TMEM266: variants seen among roughly 807,000 people sequenced by gnomAD.
TMEM266 encodes the protein Hv1 related protein 1.
In TMEM266, 33 loss-of-function variants were observed where a neutral mutation model predicts 50.5. The ratio of observed to expected loss-of-function variants is 0.65; its 90% CI spans 0.50 to 0.87. The LOEUF (loss-of-function observed/expected upper bound fraction) is 0.87, where lower values mean the gene tolerates loss of function less well. Ranked by LOEUF, TMEM266 falls within the 40% of genes least tolerant of loss-of-function variation. The pLI is 0.00. For missense variants in TMEM266, 655 were observed against 695.1 expected (o/e 0.94, Z 0.65); for synonymous variants, 310 against 292.3 (o/e 1.06, Z -0.62).
Position 76,134,234 on chromosome 15 carries a change from G to GC in TMEM266, c.-29dup. On this transcript the variant is annotated 5_prime_UTR_variant, in exon 2 of 11. It removes the in-frame stop codon of an upstream open reading frame in the 5' UTR. Coordinates refer to ENST00000388942, the MANE Select transcript of TMEM266 (RefSeq NM_152335.3). ...AATGCTGACAGCAGGCTTCAGGACA[G>GC]CTGAGCCCCACTAAACACCAAGAAA... The GC allele has an allele frequency of 6.2e-7, 1 of 1,613,172 alleles. No individual in the cohort carries two copies. The highest frequency in any genetic ancestry group is 8.5e-7 in the Non-Finnish European group (1 of 1,179,138).
intron 9 of TMEM266, among the ~76,000 whole-genome samples, chr15:76,194,325 T>A (rs2038624454): frequency 6.6e-6 from 1 of 152,204 alleles, no homozygotes; most frequent in African/African-American, 2.4e-5. Context: ...CTTCTTCATC[T>A]TCATCGTTCA....
intron 1 of TMEM266, among the ~76,000 whole-genome samples, chr15:76,074,223 G>T (rs1349681970): frequency 6.6e-6 from 1 of 151,996 alleles, no homozygotes; most frequent in East Asian, 1.9e-4. Flanking sequence ...TTATTCATAT[G>T]CACGTATCTG....
Position 76,139,155 on chromosome 15 carries a change from C to T in TMEM266, c.227+1260C>T, listed in dbSNP as rs1021788635. On this transcript the variant is annotated intron_variant, in intron 3 of 10. Coordinates refer to ENST00000388942, the MANE Select transcript of TMEM266 (RefSeq NM_152335.3). This position sits in a 1 kb window ranked among gnomAD's most constrained non-coding sequence, Gnocchi z 4.1. ...AGGTATTTTAGAAGCAAACGAGAAG[C>T]CTTAGCTCAAGCTAAATTTGCAGAG... is the stretch of plus-strand genomic sequence containing the variant. Among the ~76,000 whole-genome samples the T allele has an allele frequency of 2.6e-5, 4 of 152,180 alleles. No homozygotes were observed. Among genetic ancestry groups the T allele is most frequent in the Non-Finnish European group, 5.9e-5 (4 of 68,028 alleles).
intron 1 of TMEM266, among the ~76,000 whole-genome samples, chr15:76,079,577 C>G (rs2036654080): frequency 6.7e-6 from 1 of 150,164 alleles, no homozygotes; most frequent in African/African-American, 2.5e-5. Flanking sequence ...ATCACGAGGT[C>G]AGGAGTTCAA....
chr15:76,086,026 C>T (rs1008915526), intron 1 of TMEM266, among the ~76,000 whole-genome samples: 13 of 143,290 alleles, frequency 9.1e-5, no homozygotes, highest in South Asian at 8.6e-4. Context: ...CCAGCCTGGG[C>T]GATGAGAGCG....
intron 9 of TMEM266, among the ~76,000 whole-genome samples, chr15:76,196,619 C>T (rs1350816861): frequency 6.6e-6 from 1 of 151,622 alleles, no homozygotes. Flanking sequence ...AGGCCCACCT[C>T]ATGCACAGGA....
At chr15:76,192,224 G>GC in intron 9 of TMEM266, 67 bp downstream of exon 9, 1 of 1,352,112 alleles carries the variant, frequency 7.4e-7, no homozygotes, top group African/African-American at 1.5e-5. Context: ...TCCCTCTCGC[G>GC]CCCCGGGACT....
At chr15:76,199,545 G>GCA (rs1596173971) in intron 9 of TMEM266, among the ~76,000 whole-genome samples, 4 of 146,600 alleles carry the variant, frequency 2.7e-5, no homozygotes, top group Admixed American at 1.4e-4. Flanking sequence ...AGACCTGGGT[G>GCA]TCCGTGCTGG....
intron 3 of TMEM266, among the ~76,000 whole-genome samples, chr15:76,138,843 C>T (rs2037632987): frequency 6.6e-6 from 1 of 152,194 alleles, no homozygotes; most frequent in African/African-American, 2.4e-5. Flanking sequence ...TACAAACATA[C>T]TTCCTGAAGG....
intron 1 of TMEM266, among the ~76,000 whole-genome samples, chr15:76,095,342 A>G (rs1216739233): frequency 1.3e-5 from 2 of 152,050 alleles, no homozygotes; most frequent in African/African-American, 2.4e-5. Context: ...GAATTTTGTC[A>G]AAGGCCTTTT....
chr15:76,123,997 G>A (rs762087758), intron 1 of TMEM266, among the ~76,000 whole-genome samples: 122 of 152,322 alleles, frequency 8.0e-4, no homozygotes, highest in Middle Eastern at 3.4e-3. Flanking sequence ...ACAGGCGTGA[G>A]CCACCGTGTC....
intron 1 of TMEM266, among the ~76,000 whole-genome samples, chr15:76,061,916 A>G (rs1241211808): frequency 6.6e-6 from 1 of 152,228 alleles, no homozygotes; most frequent in Non-Finnish European, 1.5e-5. Flanking sequence ...AATGGGAGGA[A>G]GGAATCCATC....
intron 1 of TMEM266, among the ~76,000 whole-genome samples, chr15:76,089,484 C>T (rs2036820517): frequency 6.6e-6 from 1 of 152,032 alleles, no homozygotes; most frequent in Admixed American, 6.6e-5. Context: ...TGAGCCACCG[C>T]GCCCAGCCCA....
intron 9 of TMEM266, among the ~76,000 whole-genome samples, chr15:76,199,278 G>A (rs770829626): frequency 3.9e-5 from 6 of 152,338 alleles, no homozygotes; most frequent in African/African-American, 1.2e-4. Flanking sequence ...GGAGTTGTCC[G>A]GGGACGGTCG....
chr15:76,061,537 T>A (rs1037275802), intron 1 of TMEM266, among the ~76,000 whole-genome samples: 1 of 152,208 alleles, frequency 6.6e-6, no homozygotes, highest in Non-Finnish European at 1.5e-5. Flanking sequence ...AGCTTATGCA[T>A]GAGCATGTTG....
intron 3 of TMEM266, among the ~76,000 whole-genome samples, chr15:76,151,801 G>A (rs1001818354): frequency 2.6e-5 from 4 of 152,140 alleles, no homozygotes; most frequent in African/African-American, 9.7e-5. Context: ...CAGCAAGCAC[G>A]GGGAAGGGCT....
In TMEM266 at chr15:76,107,174, A is replaced by T. The variant is rs554229516; in HGVS notation, c.-96-26994A>T. On this transcript the variant is annotated intron_variant, in intron 1 of 10. Coordinates refer to ENST00000388942, the MANE Select transcript of TMEM266 (RefSeq NM_152335.3). The stretch of plus-strand genomic sequence containing the variant: ...AATTTTAATATCTTTTATTTAACCA[A>T]TATGTCCAGAGTATTATTATTTCAA... Among the ~76,000 whole-genome samples the T allele has an allele frequency of 1.0e-4, 16 of 152,382 alleles. No individual in the cohort carries two copies. In the South Asian group the frequency reaches 3.3e-3, roughly 32 times the overall value.
chr15:76,176,861 G>A (rs912051423), intron 8 of TMEM266, among the ~76,000 whole-genome samples: 2 of 152,218 alleles, frequency 1.3e-5, no homozygotes, highest in African/African-American at 2.4e-5. Flanking sequence ...GTGGCGTACA[G>A]GCCTGCTATG....
intron 10 of TMEM266, 37 bp from the exon 11 acceptor site, chr15:76,203,704 G>A: frequency 6.3e-7 from 1 of 1,583,076 alleles, no homozygotes; most frequent in South Asian, 1.2e-5. Context: ...GTGTGGCAGA[G>A]GTTGAAGTGT....
Sources: gnomAD v4.1 joint callset for allele counts (sites outside exome capture counted in the v4.1 genomes callset) on GRCh38, gnomAD v4.1.1 for gene constraint, Gnocchi (gnomAD v3.1) non-coding constraint, MANE v1.5 for transcripts, NCBI Gene and HGNC (gene_info 2026-07-23, HGNC 2026-07-21) for gene names.